Variants in RPL39L observed in about 807,000 individuals in gnomAD.
RPL39L encodes ribosomal protein L39 like.
For synonymous variants in RPL39L, 16 were observed against 20.1 expected (o/e 0.80, Z 0.55); for missense variants, 48 against 58.9 (o/e 0.81, Z 0.61).
intron 1 of RPL39L, 97 bp downstream of exon 1, chr3:187,139,116 G>A (rs1177045335): frequency 6.5e-6 from 1 of 153,904 alleles, no homozygotes; most frequent in Non-Finnish European, 1.4e-5. Context: ...GTCGGCTTGA[G>A]CTGTGGCATT....
chr3:187,125,949 T>A (rs1472995914), intron 2 of RPL39L, among the ~76,000 whole-genome samples: 1 of 152,062 alleles, frequency 6.6e-6, no homozygotes, highest in Non-Finnish European at 1.5e-5. Context: ...ACCCACTGAG[T>A]AAATATCAGA....
chr3:187,121,460 C>T, intron 2 of RPL39L, 132 bp from the exon 3 acceptor site: 1 of 859,640 alleles, frequency 1.2e-6, no homozygotes, highest in Non-Finnish European at 1.8e-6. Flanking sequence ...ACTCAGGATC[C>T]CACAGGCAGC....
intron 1 of RPL39L, among the ~76,000 whole-genome samples, chr3:187,129,439 A>G (rs539322560): frequency 1.1e-3 from 162 of 152,236 alleles, no homozygotes; most frequent in Non-Finnish European, 1.9e-3. Context: ...TTTAAACAAA[A>G]GCATAAACAT....
intron 2 of RPL39L, among the ~76,000 whole-genome samples, chr3:187,122,468 A>G (rs1720329895): frequency 6.6e-6 from 1 of 152,260 alleles, no homozygotes; most frequent in African/African-American, 2.4e-5. Flanking sequence ...GAGTTCACAC[A>G]CAGTGTCTAA....
intron 2 of RPL39L, among the ~76,000 whole-genome samples, chr3:187,125,092 C>G (rs1045914355): frequency 6.6e-6 from 1 of 152,084 alleles, no homozygotes; most frequent in African/African-American, 2.4e-5. Flanking sequence ...CTAAATAAGG[C>G]AAATACCTAC....
At chr3:187,134,483 TAAAAAAAA>T (rs72169562) in intron 1 of RPL39L, among the ~76,000 whole-genome samples, 1 of 93,426 alleles carries the variant, frequency 1.1e-5, no homozygotes, top group African/African-American at 4.2e-5. Flanking sequence ...GCCTGACTGA[TAAAAAAAA>T]AAAAAAAAAA....
At chr3:187,131,300 C>T (rs1168477962) in intron 1 of RPL39L, among the ~76,000 whole-genome samples, 1 of 152,058 alleles carries the variant, frequency 6.6e-6, no homozygotes, top group Non-Finnish European at 1.5e-5. Flanking sequence ...ACATCACCTG[C>T]CTGATTTTGG....
At chr3:187,130,861 T>C (rs922792816) in intron 1 of RPL39L, among the ~76,000 whole-genome samples, 2 of 152,204 alleles carry the variant, frequency 1.3e-5, no homozygotes, top group African/African-American at 4.8e-5. Flanking sequence ...TTCTTACAAG[T>C]TTTTTTCTTT....
Position 187,121,301 on chromosome 3 carries a change from G to T in RPL39L, c.-1C>A, listed in dbSNP as rs199502363. The T allele has an allele frequency of 6.2e-7, 1 of 1,613,960 alleles. No homozygotes were observed. Among genetic ancestry groups the T allele is most frequent in the African/African-American group, 1.3e-5 (1 of 75,038 alleles). On this transcript the variant is annotated 5_prime_UTR_variant, in exon 3 of 3. Transcript: ENST00000296277. Reference sequence around the variant, plus strand: ...TGGTGAAAGTCTTGTGAGAAGACATGGCGAGAAACAGAGTCAACCACACAC... The same window carrying T: ...TGGTGAAAGTCTTGTGAGAAGACATTGCGAGAAACAGAGTCAACCACACAC...
chr3:187,133,024 G>A (rs1035998889), intron 1 of RPL39L, among the ~76,000 whole-genome samples: 8 of 152,166 alleles, frequency 5.3e-5, no homozygotes, highest in African/African-American at 1.9e-4. Context: ...ACTGCTAAAG[G>A]TCAAGTGTGG....
chr3:187,134,491 A>AG (rs1720540236), intron 1 of RPL39L, among the ~76,000 whole-genome samples: 1 of 151,612 alleles, frequency 6.6e-6, no homozygotes, highest in African/African-American at 2.4e-5. Context: ...GATAAAAAAA[A>AG]AAAAAAAAAA....
chr3:187,123,430 T>A (rs1392614408), intron 2 of RPL39L, among the ~76,000 whole-genome samples: 7 of 152,196 alleles, frequency 4.6e-5, no homozygotes, highest in Non-Finnish European at 1.0e-4. Flanking sequence ...TTTATTTTCT[T>A]CCCATACATT....
chr3:187,128,258 A>C (rs1274733772), intron 1 of RPL39L, among the ~76,000 whole-genome samples, 196 bp from the exon 2 acceptor site: 1 of 152,228 alleles, frequency 6.6e-6, no homozygotes, highest in Non-Finnish European at 1.5e-5. Context: ...TAAACTGATC[A>C]GTGCAGCCTG....
intron 2 of RPL39L, among the ~76,000 whole-genome samples, chr3:187,126,306 C>T (rs967634714): frequency 2.0e-5 from 3 of 151,860 alleles, no homozygotes; most frequent in South Asian, 2.1e-4. Flanking sequence ...GGATTACAGG[C>T]GCCTGCCACT....
chr3:187,128,324 G>C (rs780064547), intron 1 of RPL39L, among the ~76,000 whole-genome samples: 8 of 152,132 alleles, frequency 5.3e-5, no homozygotes, highest in African/African-American at 1.4e-4. Context: ...TAAAATGTGG[G>C]ATGTGTACAC....
chr3:187,125,042 G>A (rs1344978259), intron 2 of RPL39L, among the ~76,000 whole-genome samples: 1 of 152,128 alleles, frequency 6.6e-6, no homozygotes, highest in Non-Finnish European at 1.5e-5. Context: ...CATGTCTTTA[G>A]ATCATATTCT....
At chr3:187,134,483 T>TAAAAAAAAGAAAAAAAAAAAAAA (rs1720539115) in intron 1 of RPL39L, among the ~76,000 whole-genome samples, 17 of 93,406 alleles carry the variant, frequency 1.8e-4, no homozygotes, top group African/African-American at 7.2e-4. Context: ...GCCTGACTGA[T>TAAAAAAAAGAAAAAAAAAAAAAA]AAAAAAAAAA....
chr3:187,125,628 C>T (rs997728773), intron 2 of RPL39L, among the ~76,000 whole-genome samples: 4 of 151,602 alleles, frequency 2.6e-5, no homozygotes, highest in African/African-American at 9.7e-5. Flanking sequence ...CCCATTCGAC[C>T]ACCTGCTGCC....
intron 1 of RPL39L, among the ~76,000 whole-genome samples, chr3:187,131,307 T>C (rs568282452): frequency 6.6e-6 from 1 of 152,042 alleles, no homozygotes; most frequent in Admixed American, 6.5e-5. Flanking sequence ...CTGCCTGATT[T>C]TGGGAGGCCG....
Sources: gnomAD v4.1 joint callset for allele counts (sites outside exome capture counted in the v4.1 genomes callset) on GRCh38, gnomAD v4.1.1 for gene constraint, MANE v1.5 for transcripts, NCBI Gene and HGNC (gene_info 2026-07-23, HGNC 2026-07-21) for gene names.